THSD7A: variants seen among roughly 807,000 people sequenced by gnomAD.
THSD7A encodes the protein thrombospondin type 1 domain containing 7A.
Under a neutral mutation model 231.3 loss-of-function variants are expected in THSD7A, and 96 were observed. The observed-to-expected ratio is 0.41, with a 90% CI of 0.35 to 0.49. THSD7A has a LOEUF of 0.49. Among genes scored for constraint, THSD7A ranks in the 20% least tolerant of loss-of-function variants. The pLI is 0.05. For missense variants in THSD7A, 2,290 were observed against 2,070.2 expected, an observed-to-expected ratio of 1.11 and a Z score of -2.06; for synonymous variants, 940 against 743.3, an observed-to-expected ratio of 1.26 and a Z score of -4.30.
intron 6 of THSD7A, among the ~76,000 whole-genome samples, chr7:11,529,276 T>G (rs1222454437): frequency 6.6e-6 from 1 of 152,156 alleles, no homozygotes; most frequent in Non-Finnish European, 1.5e-5. Context: ...ATATATTTAT[T>G]TTCTGTTAGT....
At chr7:11,655,491 A>T (rs1394873025) in intron 1 of THSD7A, among the ~76,000 whole-genome samples, 1 of 151,624 alleles carries the variant, frequency 6.6e-6, no homozygotes, top group Non-Finnish European at 1.5e-5. Flanking sequence ...ACTCCTAAAA[A>T]CCTCCAAACT....
intron 6 of THSD7A, among the ~76,000 whole-genome samples, chr7:11,509,935 G>T (rs952829405): frequency 6.6e-5 from 10 of 151,630 alleles, no homozygotes; most frequent in Non-Finnish European, 1.3e-4. Context: ...TAAATGAAAA[G>T]TGTTGGAGGT....
chr7:11,814,693 A>T lies in THSD7A; in HGVS notation c.190+17064T>A, dbSNP rs1282371861. ...GAGAACTAAAGAAATTACATTAAAT[A>T]TTGCAGTAAGAGACAGGGAGAGAAA... On this transcript the variant is annotated intron_variant, in intron 1 of 27. Coordinates refer to ENST00000423059, the MANE Select transcript of THSD7A (RefSeq NM_015204.3). This position sits in a 1 kb window ranked among gnomAD's most constrained non-coding sequence, Gnocchi z 5.1. 6.6e-6 allele frequency among the ~76,000 whole-genome samples: 1 copy of T among 152,186 alleles called. No individual in the cohort carries two copies. The highest frequency in any genetic ancestry group is 2.4e-5 in the African/African-American group (1 of 41,448).
chr7:11,409,857 C>CTT (rs2115379167), intron 19 of THSD7A, among the ~76,000 whole-genome samples: 1 of 152,218 alleles, frequency 6.6e-6, no homozygotes, highest in Admixed American at 6.5e-5. Flanking sequence ...ATTCTCCTGC[C>CTT]TTAGCCTCCT....
intron 1 of THSD7A, among the ~76,000 whole-genome samples, chr7:11,716,312 T>C (rs1424851767): frequency 6.6e-6 from 1 of 151,532 alleles, no homozygotes; most frequent in Non-Finnish European, 1.5e-5. Flanking sequence ...GTCTAATTCA[T>C]ATCTGGTGAG....
chr7:11,575,471 C>T (rs67), intron 4 of THSD7A, among the ~76,000 whole-genome samples: 124,679 of 152,166 alleles, frequency 0.82, 51,446 homozygotes, highest in African/African-American at 0.9. Flanking sequence ...AGATTATGTC[C>T]TGTCAAGCCT....
intron 2 of THSD7A, among the ~76,000 whole-genome samples, chr7:11,620,458 C>T (rs1420683489): frequency 6.6e-6 from 1 of 151,824 alleles, no homozygotes; most frequent in Non-Finnish European, 1.5e-5. Flanking sequence ...AACTGAAATT[C>T]CAACTTTAAA....
intron 1 of THSD7A, among the ~76,000 whole-genome samples, chr7:11,676,639 T>G (rs1414497816): frequency 6.6e-6 from 1 of 152,050 alleles, no homozygotes; most frequent in Non-Finnish European, 1.5e-5. Flanking sequence ...TATCAATAGC[T>G]GATTCAATCA....
chr7:11,764,227 A>G (rs1782955798), intron 1 of THSD7A, among the ~76,000 whole-genome samples: 1 of 152,368 alleles, frequency 6.6e-6, no homozygotes, highest in African/African-American at 2.4e-5. Context: ...CTGTCATAAA[A>G]TACCAACTGA....
intron 4 of THSD7A, among the ~76,000 whole-genome samples, chr7:11,553,774 G>C (rs910652453): frequency 2.6e-5 from 4 of 151,902 alleles, no homozygotes; most frequent in Non-Finnish European, 5.9e-5. Flanking sequence ...CTGTGGTTCT[G>C]AAATATTCTT....
chr7:11,556,724 A>C (rs1028362114), intron 4 of THSD7A, among the ~76,000 whole-genome samples: 10 of 151,868 alleles, frequency 6.6e-5, no homozygotes, highest in Non-Finnish European at 1.3e-4. Context: ...TTCTTGAAAG[A>C]TATTTTCTCT....
rs548982689 is a variant in THSD7A, at chr7:11,739,378, G to A, written c.190+92379C>T. 1.1e-3 allele frequency among the ~76,000 whole-genome samples: 164 copies of A among 151,976 alleles called. 2 individuals are homozygous for A. The highest frequency in any genetic ancestry group is 3.7e-3 in the African/African-American group (155 of 41,518). The stretch of plus-strand genomic sequence containing the variant: ...ATAACACTTATAAGTATTTTAAAAA[G>A]TGGGAATAGACTAAAATAAAGAAAA... On this transcript the variant is annotated intron_variant, in intron 1 of 27. Transcript: ENST00000423059.
chr7:11,397,751 C>T lies in THSD7A; in HGVS notation c.4411+4044G>A, dbSNP rs190754786. Among the ~76,000 whole-genome samples, 15 of 152,234 alleles carry T rather than the reference C, an allele frequency of 9.9e-5. No homozygotes were observed. The East Asian group carries it at 2.9e-3, about 29-fold the overall frequency. ...TGAAAAAGTGGGCGAAGAATATGAA[C>T]AGACACTTCTGAAAAGAAGACATTA... On this transcript the variant is annotated intron_variant, in intron 23 of 27. Coordinates refer to ENST00000423059, the MANE Select transcript of THSD7A (RefSeq NM_015204.3).
chr7:11,392,487 T>G (rs1583658807), intron 23 of THSD7A, among the ~76,000 whole-genome samples: 1 of 150,660 alleles, frequency 6.6e-6, no homozygotes, highest in Non-Finnish European at 1.5e-5. Context: ...GTTGCAAGAG[T>G]TTTTTTTTCA....
chr7:11,605,869 GCCCCATGAAATGGGTACTCTGCCTCT>G (rs1179402391), intron 2 of THSD7A, among the ~76,000 whole-genome samples: 1 of 152,104 alleles, frequency 6.6e-6, no homozygotes, highest in African/African-American at 2.4e-5. Context: ...GGCACACACT[GCCCCATGAAATGGGTACTCTGCCTCT>G]CCCTACTGAC....
chr7:11,490,784 T>A (rs1333197712), intron 6 of THSD7A, among the ~76,000 whole-genome samples: 1 of 152,112 alleles, frequency 6.6e-6, no homozygotes, highest in Non-Finnish European at 1.5e-5. Context: ...AAATTCTGGC[T>A]TCCCACTTAC....
intron 19 of THSD7A, chr7:11,410,333 G>A (rs1032660644): frequency 6.6e-6 from 1 of 152,112 alleles, no homozygotes; most frequent in African/African-American, 2.4e-5. Flanking sequence ...CCTAGGTATA[G>A]GAACAATTTA....
intron 1 of THSD7A, among the ~76,000 whole-genome samples, chr7:11,723,126 C>T (rs1017650675): frequency 6.6e-5 from 10 of 151,968 alleles, no homozygotes; most frequent in Non-Finnish European, 1.2e-4. Context: ...CACATATACA[C>T]CATGGAATAC....
At chr7:11,521,694 C>G (rs1403503419) in intron 6 of THSD7A, among the ~76,000 whole-genome samples, 1 of 94,766 alleles carries the variant, frequency 1.1e-5, no homozygotes, top group East Asian at 3.6e-4. Flanking sequence ...TCCCTCCCCC[C>G]TCCCCCGACC....
Sources: gnomAD v4.1 joint callset for allele counts (sites outside exome capture counted in the v4.1 genomes callset) on GRCh38, gnomAD v4.1.1 for gene constraint, Gnocchi (gnomAD v3.1) non-coding constraint, MANE v1.5 for transcripts, NCBI Gene and HGNC (gene_info 2026-07-23, HGNC 2026-07-21) for gene names.